Variants in MYO16 observed in about 807,000 individuals in gnomAD.
MYO16 encodes the protein unconventional myosin-XVI.
MYO16 carries 94 observed loss-of-function variants against 205.3 expected under a neutral mutation model. The ratio of observed to expected loss-of-function variants is 0.46; its 90% CI spans 0.39 to 0.54. The LOEUF is 0.54. Ranked by LOEUF, MYO16 falls within the 20% of genes least tolerant of loss-of-function variation. The pLI, the probability that MYO16 is intolerant of heterozygous loss-of-function variation, is 0.00. For synonymous variants in MYO16, 988 were observed against 954.0 expected (o/e 1.04, Z -0.66); for missense variants, 2,315 against 2,387.5 (o/e 0.97, Z 0.63).
chr13:108,794,059 A>G (rs1886706698), intron 6 of MYO16, among the ~76,000 whole-genome samples: 1 of 152,198 alleles, frequency 6.6e-6, no homozygotes, highest in South Asian at 2.1e-4. Context: ...CCATTACCTA[A>G]GAGAATTACC....
At chr13:108,916,442 C>T (rs183507481) in intron 16 of MYO16, among the ~76,000 whole-genome samples, 42 of 152,286 alleles carry the variant, frequency 2.8e-4, no homozygotes, top group Non-Finnish European at 4.4e-4. Context: ...TTTATCTCCT[C>T]GTGTCACTGA....
At chr13:109,112,252 C>A (rs79672224) in intron 28 of MYO16, among the ~76,000 whole-genome samples, 22,048 of 151,910 alleles carry the variant, frequency 0.15, 1,717 homozygotes, top group Middle Eastern at 0.18. Context: ...TCTAGAAGAC[C>A]AATAAATTGA....
intron 32 of MYO16, among the ~76,000 whole-genome samples, chr13:109,146,220 T>C (rs186855142): frequency 1.3e-3 from 191 of 152,328 alleles, no homozygotes; most frequent in African/African-American, 4.4e-3. Context: ...ATTTCAAATA[T>C]TTTATTTGAT....
the MYO16 span, among the ~76,000 whole-genome samples, chr13:108,550,681 T>C: frequency 6.6e-6 from 1 of 152,196 alleles, no homozygotes; most frequent in Non-Finnish European, 1.5e-5. Flanking sequence ...AAAGTAATGA[T>C]TATCATTTGT....
chr13:108,720,255 A>G (rs1884109971), intron 3 of MYO16, among the ~76,000 whole-genome samples: 1 of 152,220 alleles, frequency 6.6e-6, no homozygotes, highest in Non-Finnish European at 1.5e-5. Flanking sequence ...GAGAGTTTGC[A>G]AAGATTCAAG....
At chr13:108,626,686 T>G (rs55932358), upstream of MYO16, among the ~76,000 whole-genome samples, 212 of 151,410 alleles carry the variant, frequency 1.4e-3, 1 homozygote, top group East Asian at 0.016. Flanking sequence ...TGCCTGTAAT[T>G]CCAGCTACTT....
chr13:108,581,486 C>T, the MYO16 span, among the ~76,000 whole-genome samples: 5 of 150,934 alleles, frequency 3.3e-5, no homozygotes, highest in African/African-American at 1.2e-4. Flanking sequence ...TTCTTCTTGC[C>T]TTTTTTTTTG....
intron 9 of MYO16, among the ~76,000 whole-genome samples, chr13:108,841,985 C>G (rs768891613): frequency 2.0e-5 from 3 of 152,064 alleles, no homozygotes; most frequent in Non-Finnish European, 4.4e-5. Context: ...AAGAAAGTTA[C>G]TTTAATAATT....
intron 4 of MYO16, among the ~76,000 whole-genome samples, chr13:108,745,799 A>G (rs1185047762): frequency 6.6e-6 from 1 of 152,192 alleles, no homozygotes; most frequent in African/African-American, 2.4e-5. Context: ...GAAAAAGTAG[A>G]CAACTTACAA....
At position 109,124,311 on chromosome 13, in the gene MYO16, G is replaced by C. The variant is rs571975555; in HGVS notation, c.3536-801G>C. ...TGTAGTTTGACCTCCTAAGCTTGGG[G>C]ACATATGAGCCCGGGCTCTACTATT... On this transcript the variant is annotated intron_variant, in intron 29 of 34. Coordinates refer to ENST00000457511, the MANE Select transcript of MYO16 (RefSeq NM_001198950.3). 1.6e-4 allele frequency among the ~76,000 whole-genome samples: 25 copies of C among 152,336 alleles called. No homozygotes were observed. The South Asian group carries it at 4.6e-3, about 28-fold the overall frequency.
chr13:109,202,544 A>G (rs1373581765), intron 34 of MYO16, among the ~76,000 whole-genome samples: 3 of 152,186 alleles, frequency 2.0e-5, no homozygotes, highest in African/African-American at 4.8e-5. Context: ...CCACTTCGAA[A>G]GAAATTATAG....
At chr13:108,594,873 C>A (rs957925776), upstream of MYO16, among the ~76,000 whole-genome samples, 2 of 152,188 alleles carry the variant, frequency 1.3e-5, no homozygotes, top group African/African-American at 4.8e-5. Context: ...CAGTCTTCAG[C>A]AGCACTCTTC....
chr13:108,503,005 T>C, the MYO16 span, among the ~76,000 whole-genome samples: 2 of 152,198 alleles, frequency 1.3e-5, no homozygotes, highest in Non-Finnish European at 2.9e-5. Context: ...GCTATTTTCA[T>C]TTTATAGCGT....
In MYO16 at chr13:108,962,634, G is replaced by T. The variant is rs1209021214; in HGVS notation, c.2227+139G>T. ...TGAGGAAAGCATTCTGAGCCTGTTT[G>T]GTCATTTGACATGACTATAGTGTAG... On this transcript the variant is annotated intron_variant, in intron 19 of 34. Transcript: ENST00000457511. The T allele has an allele frequency of 8.9e-6, 6 of 672,822 alleles. No homozygotes were observed. In the African/African-American group the frequency reaches 1.1e-4, roughly 12 times the overall value. The allele number at this position is 672,822 out of a possible 1,614,324, so 41.7% of individuals were successfully genotyped here.
chr13:108,908,669 T>C (rs1036342468), intron 15 of MYO16, among the ~76,000 whole-genome samples: 21 of 152,234 alleles, frequency 1.4e-4, no homozygotes, highest in South Asian at 2.1e-4. Context: ...ATAATTCACA[T>C]TTGCATTTAA....
At chr13:108,834,789 ATTAT>A (rs1416872734) in intron 9 of MYO16, among the ~76,000 whole-genome samples, 1 of 93,930 alleles carries the variant, frequency 1.1e-5, no homozygotes, top group Non-Finnish European at 2.7e-5. Context: ...AGTGATTAAA[ATTAT>A]TTCTTTTTTT....
At chr13:108,906,326 C>CAATA (rs1289465714) in intron 15 of MYO16, among the ~76,000 whole-genome samples, 2 of 152,032 alleles carry the variant, frequency 1.3e-5, no homozygotes, top group African/African-American at 4.8e-5. Context: ...AATTTACTAA[C>CAATA]AATAAAAAAT....
the MYO16 span, among the ~76,000 whole-genome samples, chr13:108,502,920 G>T: frequency 6.6e-6 from 1 of 152,166 alleles, no homozygotes; most frequent in Admixed American, 6.5e-5. Context: ...CAAGACAAAT[G>T]AAATTCGGCC....
chr13:108,824,164 T>A (rs1471533473), intron 9 of MYO16, among the ~76,000 whole-genome samples: 1 of 152,030 alleles, frequency 6.6e-6, no homozygotes, highest in Non-Finnish European at 1.5e-5. Flanking sequence ...GTAAAGAAAT[T>A]GTGTACCCAG....
Sources: allele counts gnomAD v4.1 joint callset (sites outside exome capture counted in the v4.1 genomes callset), GRCh38; gene constraint gnomAD v4.1.1; transcripts MANE v1.5; gene names NCBI Gene and HGNC (gene_info 2026-07-23, HGNC 2026-07-21).